Variants in XIRP2 observed in about 807,000 individuals in gnomAD.
XIRP2 encodes the protein xin actin-binding repeat-containing protein 2.
In XIRP2, 236 loss-of-function variants were observed where a neutral mutation model predicts 277.0. The ratio of observed to expected loss-of-function variants is 0.85; its 90% CI spans 0.77 to 0.95. The LOEUF (loss-of-function observed/expected upper bound fraction) is 0.95, where lower values mean the gene tolerates loss of function less well. Ranked by LOEUF, XIRP2 falls within the 40% of genes least tolerant of loss-of-function variation. XIRP2 has a pLI of 0.00. For synonymous variants in XIRP2, 1,490 were observed against 1,416.5 expected (o/e 1.05, Z -1.17); for missense variants, 4,640 against 4,157.5 (o/e 1.12, Z -3.19).
At chr2:167,214,400 C>A (rs1416276015) in intron 4 of XIRP2, among the ~76,000 whole-genome samples, 4 of 150,126 alleles carry the variant, frequency 2.7e-5, no homozygotes, top group Non-Finnish European at 5.9e-5. Context: ...TCACTTGAAC[C>A]CAGGAAACAG....
At chr2:167,201,450 G>A (rs1299662479) in intron 3 of XIRP2, among the ~76,000 whole-genome samples, 2 of 152,004 alleles carry the variant, frequency 1.3e-5, no homozygotes, top group Admixed American at 6.5e-5. Context: ...GGATGAAAGC[G>A]CGACACCACC....
chr2:166,912,976 G>A (rs1684753920), intron 2 of XIRP2, among the ~76,000 whole-genome samples: 1 of 152,210 alleles, frequency 6.6e-6, no homozygotes, highest in African/African-American at 2.4e-5. Context: ...CTTCGTCTCA[G>A]AGGGTTACTC....
chr2:167,010,026 G>T lies in XIRP2; in HGVS notation c.408+106136G>T, dbSNP rs540471694. ...CCCATTTTGTAGGTTGCCTGTTCACGCTGATGGTAGTTTCTTTTGCTGTGC... is the reference window on the plus strand; with the variant it reads ...CCCATTTTGTAGGTTGCCTGTTCACTCTGATGGTAGTTTCTTTTGCTGTGC... On this transcript the variant is annotated intron_variant, in intron 2 of 10. Transcript: ENST00000409195. Among the ~76,000 whole-genome samples the T allele has an allele frequency of 7.3e-3, 1,108 of 151,754 alleles. 17 individuals carry two copies. The highest frequency in any genetic ancestry group is 0.024 in the African/African-American group (988 of 41,342).
At chr2:166,994,933 T>TG in intron 2 of XIRP2, among the ~76,000 whole-genome samples, 1 of 151,852 alleles carries the variant, frequency 6.6e-6, no homozygotes, top group Admixed American at 6.6e-5. Context: ...TTTTTTTTTT[T>TG]GACCGAGTCT....
intron 2 of XIRP2, among the ~76,000 whole-genome samples, chr2:167,045,468 C>T (rs1216952766): frequency 6.6e-6 from 1 of 152,038 alleles, no homozygotes; most frequent in Non-Finnish European, 1.5e-5. Context: ...AAACAGACAA[C>T]CTATTGAATG....
intron 2 of XIRP2, among the ~76,000 whole-genome samples, chr2:167,039,726 T>A (rs1382043346): frequency 6.6e-6 from 1 of 152,348 alleles, no homozygotes; most frequent in South Asian, 2.1e-4. Flanking sequence ...CCTTTTCCTC[T>A]GTTGGTAAAA....
At chr2:167,016,305 A>G (rs1241145965) in intron 2 of XIRP2, among the ~76,000 whole-genome samples, 2 of 151,898 alleles carry the variant, frequency 1.3e-5, no homozygotes, top group Admixed American at 6.6e-5. Flanking sequence ...TTAGGTAAAG[A>G]CTATTCTCTG....
At chr2:167,106,203 T>A (rs992315315) in intron 2 of XIRP2, among the ~76,000 whole-genome samples, 5 of 151,680 alleles carry the variant, frequency 3.3e-5, no homozygotes, top group African/African-American at 1.2e-4. Context: ...CAATGTTCAT[T>A]TTATGGGTCA....
Position 167,248,514 on chromosome 2 carries a change from A to G in XIRP2, c.7122A>G (p.Gln2374=). The change falls in exon 9 of 11, where the codon CAA becomes CAG. Residue 2374 remains glutamine, a synonymous_variant. Transcript: ENST00000409195. Reference sequence around the variant, plus strand: ...CTCCTCCTCCTCCAACTCCATCTCAAAAGCCAGCACATCTCCTTTCCTCCT... The same window carrying G: ...CTCCTCCTCCTCCAACTCCATCTCAGAAGCCAGCACATCTCCTTTCCTCCT... The part of the protein sequence containing the change: ...LPPPPPPTPS[Q]KPAHLLSSSA... The G allele has an allele frequency of 1.2e-6, 2 of 1,613,622 alleles. No individual in the cohort carries two copies. Among genetic ancestry groups the G allele is most frequent in the South Asian group, 1.1e-5 (1 of 91,058 alleles).
chr2:167,032,551 C>T (rs1238121998), intron 2 of XIRP2, among the ~76,000 whole-genome samples: 1 of 152,072 alleles, frequency 6.6e-6, no homozygotes, highest in East Asian at 1.9e-4. Flanking sequence ...ATGTATCCAT[C>T]TGACAAAGGG....
rs566120596 is a variant in XIRP2 at position 166,925,893 on chromosome 2, G to A, written c.408+22003G>A. Among the ~76,000 whole-genome samples the A allele has an allele frequency of 3.3e-5, 5 of 151,596 alleles. No individual in the cohort carries two copies. In the South Asian group the frequency reaches 8.3e-4, roughly 25 times the overall value. On this transcript the variant is annotated intron_variant, in intron 2 of 10. Transcript: ENST00000409195. ...TAGTCCAGTTTGGGCAAAACAGGAA[G>A]ACCCCATCTCTACAAAATAAAAATT... is the stretch of plus-strand genomic sequence containing the variant.
intron 2 of XIRP2, among the ~76,000 whole-genome samples, chr2:167,045,886 C>T (rs1037498601): frequency 5.9e-5 from 9 of 151,920 alleles, no homozygotes; most frequent in Non-Finnish European, 1.3e-4. Flanking sequence ...TTACAGAAAT[C>T]CCGGCCGTTG....
intron 2 of XIRP2, among the ~76,000 whole-genome samples, chr2:167,077,297 A>G (rs1410265185): frequency 1.3e-5 from 2 of 152,208 alleles, no homozygotes; most frequent in Non-Finnish European, 2.9e-5. Flanking sequence ...AATCATTTTA[A>G]TGGAAGTATG....
chr2:166,907,000 G>C (rs1574067153), intron 2 of XIRP2, among the ~76,000 whole-genome samples: 1 of 152,234 alleles, frequency 6.6e-6, no homozygotes, highest in East Asian at 1.9e-4. Context: ...CACTATTTCA[G>C]AGTCTTTGTT....
intron 2 of XIRP2, among the ~76,000 whole-genome samples, chr2:167,040,349 A>T (rs1490996637): frequency 6.6e-6 from 1 of 152,036 alleles, no homozygotes; most frequent in Non-Finnish European, 1.5e-5. Context: ...GAAACTAGGA[A>T]CTCTGCCTGG....
intron 3 of XIRP2, among the ~76,000 whole-genome samples, chr2:167,201,499 G>C (rs1480483505): frequency 6.6e-6 from 1 of 152,124 alleles, no homozygotes; most frequent in East Asian, 1.9e-4. Flanking sequence ...TTGAAAATGA[G>C]ACCAGTGGCC....
chr2:166,972,398 G>T (rs1686602795), intron 2 of XIRP2, among the ~76,000 whole-genome samples: 1 of 152,156 alleles, frequency 6.6e-6, no homozygotes, highest in East Asian at 1.9e-4. Context: ...GCAGCTCGAT[G>T]ATGTCAAAAG....
chr2:167,098,542 G>A (rs1360895271), intron 2 of XIRP2, among the ~76,000 whole-genome samples: 2 of 152,184 alleles, frequency 1.3e-5, no homozygotes, highest in East Asian at 1.9e-4. Flanking sequence ...GCCTACTTCT[G>A]TCAATTCATC....
At chr2:167,186,483 A>G (rs897245397) in intron 3 of XIRP2, among the ~76,000 whole-genome samples, 9 of 152,146 alleles carry the variant, frequency 5.9e-5, no homozygotes, top group African/African-American at 1.7e-4. Context: ...GTTAGGCCAC[A>G]CCACATTAGG....
Sources: allele counts gnomAD v4.1 joint callset (sites outside exome capture counted in the v4.1 genomes callset), GRCh38; gene constraint gnomAD v4.1.1; transcripts MANE v1.5; gene names NCBI Gene and HGNC (gene_info 2026-07-23, HGNC 2026-07-21).